Variants in SLCO2A1 observed in about 807,000 individuals in gnomAD.
SLCO2A1 encodes the protein matrin F/G 1.
Under a neutral mutation model 71.7 loss-of-function variants are expected in SLCO2A1, and 60 were observed. The ratio of observed to expected loss-of-function variants is 0.84; its 90% confidence interval spans 0.68 to 1.04. The LOEUF is 1.04. Ranked by LOEUF, SLCO2A1 falls within the 50% of genes least tolerant of loss-of-function variation. The pLI, the probability that SLCO2A1 is intolerant of heterozygous loss-of-function variation, is 0.00. For missense variants in SLCO2A1, 745 were observed against 813.4 expected (o/e 0.92, Z 1.02); for synonymous variants, 308 against 326.7 (o/e 0.94, Z 0.62).
intron 1 of SLCO2A1, among the ~76,000 whole-genome samples, chr3:133,997,231 C>T (rs188239833): frequency 2.4e-4 from 37 of 152,316 alleles, no homozygotes; most frequent in Admixed American, 2.4e-3. Flanking sequence ...CGGCTGGTGC[C>T]ACCCTACTCC....
intron 1 of SLCO2A1, among the ~76,000 whole-genome samples, chr3:133,982,730 C>G (rs1010479763): frequency 2.0e-5 from 3 of 152,078 alleles, no homozygotes; most frequent in African/African-American, 7.2e-5. Flanking sequence ...CCCTCACCAT[C>G]CCTCCTCAGA....
chr3:133,970,895 A>T (rs1934307367), intron 3 of SLCO2A1, among the ~76,000 whole-genome samples: 1 of 152,268 alleles, frequency 6.6e-6, no homozygotes, highest in Non-Finnish European at 1.5e-5. Context: ...GTCTTAGAGC[A>T]CTGAGGTCAA....
chr3:134,029,902 G>A lies in SLCO2A1; in HGVS notation c.-100C>T. 2 of 559,840 alleles carry A rather than the reference G, an allele frequency of 3.6e-6. No individual in the cohort carries two copies. The highest frequency in any genetic ancestry group is 5.3e-6 in the Non-Finnish European group (2 of 376,340). The allele number at this position is 559,840 out of a possible 1,614,324, so 34.7% of individuals were successfully genotyped here. A position where few individuals can be genotyped will look rare whatever the true frequency, so the allele number is the denominator to read the frequency against. On this transcript the variant is annotated 5_prime_UTR_variant, in exon 1 of 14. Transcript: ENST00000310926. ...GAGGCGACCGCGGCGGCAGTGGCCG[G>A]AGGAGATTCGCGGAGCGGAGACTGA...
chr3:134,001,248 C>T (rs1935097810), intron 1 of SLCO2A1, among the ~76,000 whole-genome samples: 1 of 152,080 alleles, frequency 6.6e-6, no homozygotes, highest in South Asian at 2.1e-4. Flanking sequence ...GTAGCTGGGA[C>T]TACAGACCCA....
At chr3:133,961,467 A>AT (rs1559936870) in intron 3 of SLCO2A1, among the ~76,000 whole-genome samples, 1 of 152,126 alleles carries the variant, frequency 6.6e-6, no homozygotes, top group African/African-American at 2.4e-5. Context: ...TAGCAAAATC[A>AT]TTTTTTGCAA....
chr3:133,942,742 G>C lies in SLCO2A1; in HGVS notation c.1488C>G (p.Thr496=). Residue 496 remains threonine (T), a synonymous_variant, in exon 11 of 14, where the codon ACC becomes ACG. Coordinates refer to ENST00000310926, the MANE Select transcript of SLCO2A1 (RefSeq NM_005630.3). ...CTGTCTTTGCTGAAGCGGATCCCCC[G>C]GTCACACAGCTGCAGTTCAAATAGA... ...QLIYLNCSCV[T]GGSASAKTGS... is the part of the protein sequence containing the mutation. 2 of 1,608,954 alleles carry C rather than the reference G, an allele frequency of 1.2e-6. No homozygotes were observed. Among genetic ancestry groups the C allele is most frequent in the African/African-American group, 1.3e-5 (1 of 74,720 alleles).
chr3:134,020,136 C>T (rs987083847), intron 1 of SLCO2A1, among the ~76,000 whole-genome samples: 4 of 152,064 alleles, frequency 2.6e-5, no homozygotes, highest in African/African-American at 9.7e-5. Context: ...CCCAGTCACG[C>T]ACCCCCTGCT....
intron 1 of SLCO2A1, among the ~76,000 whole-genome samples, chr3:133,989,483 G>C (rs943536173): frequency 6.6e-6 from 1 of 152,158 alleles, no homozygotes; most frequent in Middle Eastern, 3.2e-3. Flanking sequence ...CCCTGGATTT[G>C]AGCAACACTG....
At position 133,955,111 on chromosome 3, in the gene SLCO2A1, C is replaced by A; in HGVS notation, c.480G>T (p.Gln160His). The change falls in exon 4 of 14, where the codon CAG becomes CAT. Residue 160 changes from glutamine (Q) to histidine (H), a missense_variant. Gln to His is a conservative substitution (Grantham distance 24). Coordinates refer to ENST00000310926, the MANE Select transcript of SLCO2A1 (RefSeq NM_005630.3). Reference sequence around the variant, plus strand: ...TGCTGCTGGTCTCCTTCTGGGGGTTCTGGGTGGTGCTGTGGCACTTACTGG... The same window carrying A: ...TGCTGCTGGTCTCCTTCTGGGGGTTATGGGTGGTGCTGTGGCACTTACTGG... The part of the protein sequence containing the change: ...LPPSKCHSTT[Q>H]NPQKETSSMW... 6.2e-7 allele frequency: 1 copy of A among 1,614,216 alleles called. No homozygotes were observed. Among genetic ancestry groups the A allele is most frequent in the South Asian group, 1.1e-5 (1 of 91,084 alleles).
intron 12 of SLCO2A1, 151 bp downstream of exon 12, chr3:133,938,278 A>G: frequency 1.4e-6 from 1 of 722,238 alleles, no homozygotes; most frequent in Non-Finnish European, 2.5e-6. Flanking sequence ...AACCGTCCAC[A>G]TGGATTTTGG....
Position 133,962,023 on chromosome 3 carries a change from C to A in SLCO2A1, c.398-6830G>T, listed in dbSNP as rs115448543. Among the ~76,000 whole-genome samples, 181 of 152,306 alleles carry A rather than the reference C, an allele frequency of 1.2e-3. 2 individuals carry two copies. The highest frequency in any genetic ancestry group is 4.0e-3 in the African/African-American group (167 of 41,560). On this transcript the variant is annotated intron_variant, in intron 3 of 13. Coordinates refer to ENST00000310926, the MANE Select transcript of SLCO2A1 (RefSeq NM_005630.3). The stretch of plus-strand genomic sequence containing the variant: ...AGCCTGAGACACCCTTGGCAGTGGG[C>A]GGCCCTGGCTAGCTCACTCTGGTCA...
At chr3:134,003,821 C>G (rs1180895716) in intron 1 of SLCO2A1, among the ~76,000 whole-genome samples, 4 of 152,076 alleles carry the variant, frequency 2.6e-5, no homozygotes, top group Non-Finnish European at 5.9e-5. Flanking sequence ...AATACATAAT[C>G]AGTTGACACT....
chr3:134,015,168 C>T (rs535155661), intron 1 of SLCO2A1, among the ~76,000 whole-genome samples: 2 of 152,174 alleles, frequency 1.3e-5, no homozygotes, highest in South Asian at 2.1e-4. Flanking sequence ...TTCACAATAG[C>T]GAAGATATGG....
At chr3:133,966,671 G>A (rs1374465235) in intron 3 of SLCO2A1, among the ~76,000 whole-genome samples, 4 of 152,274 alleles carry the variant, frequency 2.6e-5, no homozygotes, top group African/African-American at 9.6e-5. Context: ...ATCCTGAAAA[G>A]TCCTTTTGTT....
intron 8 of SLCO2A1, 66 bp from the exon 9 acceptor site, chr3:133,947,511 C>G: frequency 7.3e-7 from 1 of 1,363,980 alleles, no homozygotes; most frequent in Non-Finnish European, 1.0e-6. Context: ...GCTACAAACA[C>G]TGAGCTGGAT....
chr3:133,951,080 T>C lies in SLCO2A1; in HGVS notation c.861+128A>G, dbSNP rs369359742. On this transcript the variant is annotated intron_variant, in intron 6 of 13. Transcript: ENST00000310926. ...AAAGCCTCTGGGAAGTCCTGCATCA[T>C]GAAATTTGTTTAGATTTCACCCTGA... 5.8e-5 allele frequency: 75 copies of C among 1,295,532 alleles called. 3 individuals carry two copies. The highest frequency in any genetic ancestry group is 2.3e-4 in the African/African-American group (16 of 68,486). The allele number at this position is 1,295,532 out of a possible 1,614,324, so 80.3% of individuals were successfully genotyped here. A position where few individuals can be genotyped will look rare whatever the true frequency, so the allele number is the denominator to read the frequency against.
intron 1 of SLCO2A1, among the ~76,000 whole-genome samples, chr3:134,020,258 G>A (rs377277973): frequency 4.5e-4 from 68 of 152,306 alleles, no homozygotes; most frequent in African/African-American, 9.9e-4. Context: ...GAGTCTTGCC[G>A]ATGCCCCCAG....
At chr3:134,000,636 T>TG (rs1935087744) in intron 1 of SLCO2A1, among the ~76,000 whole-genome samples, 1 of 152,134 alleles carries the variant, frequency 6.6e-6, no homozygotes, top group African/African-American at 2.4e-5. Context: ...TTCTGTCAAC[T>TG]ATTCAACCTC....
chr3:134,023,027 T>C (rs1935621339), intron 1 of SLCO2A1, among the ~76,000 whole-genome samples: 2 of 152,178 alleles, frequency 1.3e-5, no homozygotes, highest in African/African-American at 4.8e-5. Context: ...GAAGATCACG[T>C]TCTCATCAAA....
Sources: gnomAD v4.1 joint callset for allele counts (sites outside exome capture counted in the v4.1 genomes callset) on GRCh38, gnomAD v4.1.1 for gene constraint, MANE v1.5 for transcripts, NCBI Gene and HGNC (gene_info 2026-07-23, HGNC 2026-07-21) for gene names.